RARB: variants seen among roughly 807,000 people sequenced by gnomAD.
RARB encodes HBV-activated protein.
In RARB, 17 loss-of-function variants were observed where a neutral mutation model predicts 51.9. That is an observed-to-expected ratio of 0.33 (90% CI 0.22 to 0.49). The LOEUF is 0.49. RARB is among the 20% of genes least tolerant of loss of function. RARB has a pLI of 0.99. For missense variants in RARB, 369 were observed against 550.8 expected (o/e 0.67, Z 3.30); for synonymous variants, 215 against 195.4 (o/e 1.10, Z -0.84).
intron 3 of RARB, among the ~76,000 whole-genome samples, chr3:25,091,451 T>C (rs888643463): frequency 2.0e-5 from 3 of 152,196 alleles, no homozygotes; most frequent in Non-Finnish European, 2.9e-5. Flanking sequence ...TCCTAGGAAA[T>C]AGCGGCTTCT....
At chr3:25,194,804 G>T (rs1394797590) in intron 5 of RARB, among the ~76,000 whole-genome samples, 11 of 151,858 alleles carry the variant, frequency 7.2e-5, no homozygotes, top group Admixed American at 6.6e-4. Flanking sequence ...GTGGAATTTT[G>T]TTAATTTCTG....
chr3:25,313,422 C>T (rs1289358427), intron 5 of RARB, among the ~76,000 whole-genome samples: 1 of 152,190 alleles, frequency 6.6e-6, no homozygotes, highest in Admixed American at 6.5e-5. Flanking sequence ...AACTGTAATG[C>T]TTATGCCTAA....
chr3:24,957,304 T>C (rs971807178), intron 2 of RARB, among the ~76,000 whole-genome samples: 1 of 152,218 alleles, frequency 6.6e-6, no homozygotes, highest in Non-Finnish European at 1.5e-5. Flanking sequence ...ACCCCCAAAG[T>C]ATTTTGTCCT....
Position 25,527,717 on chromosome 3 carries a change from A to G in RARB, c.448+26394A>G, listed in dbSNP as rs138322811. On this transcript the variant is annotated intron_variant, in intron 3 of 7. Transcript: ENST00000330688. Reference sequence around the variant, plus strand: ...TTTTGAGGTTTTCGAGGGTAGATAGATGCTCTTGGCATTCCTCTAACAAAC... The same window carrying G: ...TTTTGAGGTTTTCGAGGGTAGATAGGTGCTCTTGGCATTCCTCTAACAAAC... 2.4e-3 allele frequency among the ~76,000 whole-genome samples: 359 copies of G among 152,340 alleles called. 3 individuals are homozygous for G. Among genetic ancestry groups the G allele is most frequent in the African/African-American group, 8.2e-3 (343 of 41,590 alleles).
chr3:24,839,641 A>G (rs760175896), intron 1 of RARB, among the ~76,000 whole-genome samples: 1 of 136,734 alleles, frequency 7.3e-6, no homozygotes, highest in Non-Finnish European at 1.5e-5. Flanking sequence ...TCAGGGGCAG[A>G]GGTTGCAGTG....
intron 5 of RARB, among the ~76,000 whole-genome samples, chr3:25,276,403 T>C (rs1309803812): frequency 3.9e-5 from 6 of 152,176 alleles, no homozygotes. Flanking sequence ...CACACGATAC[T>C]CAATAAATAT....
intron 2 of RARB, among the ~76,000 whole-genome samples, chr3:24,986,354 A>G (rs1328377574): frequency 6.6e-6 from 1 of 152,232 alleles, no homozygotes; most frequent in Non-Finnish European, 1.5e-5. Flanking sequence ...TCTCTTCTTC[A>G]AGAGAAAAAT....
chr3:25,217,473 G>A (rs963806619), intron 5 of RARB, among the ~76,000 whole-genome samples: 2 of 151,928 alleles, frequency 1.3e-5, no homozygotes, highest in African/African-American at 2.4e-5. Context: ...GAGGACAAAG[G>A]GGGCATGAAA....
chr3:25,283,720 T>A (rs1240754004), intron 5 of RARB, among the ~76,000 whole-genome samples: 1 of 152,220 alleles, frequency 6.6e-6, no homozygotes, highest in South Asian at 2.1e-4. Context: ...AGCTGGATTA[T>A]TCCATCATCA....
rs540510787 is a variant in RARB at position 25,332,104 on chromosome 3, G to A, written c.179-129089G>A. Among the ~76,000 whole-genome samples, 264 of 152,236 alleles carry A rather than the reference G, an allele frequency of 1.7e-3. 1 individual carries two copies. Among genetic ancestry groups the A allele is most frequent in the African/African-American group, 5.8e-3 (242 of 41,532 alleles). On this transcript the variant is annotated intron_variant, in intron 5 of 11. Transcript: ENST00000383772. ...CAAATTCTACCAGAGGTACAAAGAC[G>A]AGCTGGTACCATTCGTTCTGAAACT...
chr3:25,366,468 A>G (rs1706123086), intron 5 of RARB, among the ~76,000 whole-genome samples: 1 of 152,208 alleles, frequency 6.6e-6, no homozygotes, highest in Non-Finnish European at 1.5e-5. Context: ...AGGTTAATAG[A>G]AGTAACCTCT....
At chr3:25,246,368 G>A (rs753987210) in intron 5 of RARB, among the ~76,000 whole-genome samples, 3 of 152,044 alleles carry the variant, frequency 2.0e-5, no homozygotes, top group Non-Finnish European at 4.4e-5. Context: ...CCTTGCTGGC[G>A]AGGAGTTGTG....
chr3:25,327,407 T>C (rs889989176), intron 5 of RARB, among the ~76,000 whole-genome samples: 1 of 151,844 alleles, frequency 6.6e-6, no homozygotes, highest in African/African-American at 2.4e-5. Context: ...ATCAAAGCAA[T>C]TGGAATCAGA....
At chr3:25,070,126 A>C (rs1698739635) in intron 3 of RARB, among the ~76,000 whole-genome samples, 1 of 151,962 alleles carries the variant, frequency 6.6e-6, no homozygotes, top group South Asian at 2.1e-4. Context: ...TGGCTTTGCA[A>C]CTCTATTACT....
intron 5 of RARB, among the ~76,000 whole-genome samples, chr3:25,253,931 C>T (rs1035747315): frequency 2.6e-5 from 4 of 152,054 alleles, no homozygotes; most frequent in African/African-American, 9.7e-5. Flanking sequence ...GCTAGGATAT[C>T]GGTAGGGAAC....
intron 5 of RARB, among the ~76,000 whole-genome samples, chr3:25,336,713 G>C (rs188395652): frequency 4.1e-4 from 62 of 152,230 alleles, no homozygotes; most frequent in African/African-American, 1.2e-3. Flanking sequence ...GAATTCCACT[G>C]AACTAATCCT....
At chr3:25,521,595 A>C (rs1252534125) in intron 3 of RARB, among the ~76,000 whole-genome samples, 1 of 152,152 alleles carries the variant, frequency 6.6e-6, no homozygotes, top group Non-Finnish European at 1.5e-5. Flanking sequence ...GAATGAATAT[A>C]CAGTATCCAC....
intron 4 of RARB, among the ~76,000 whole-genome samples, chr3:25,573,520 C>G (rs1700795523): frequency 6.6e-6 from 1 of 152,234 alleles, no homozygotes; most frequent in Admixed American, 6.5e-5. Flanking sequence ...GCGCTCTGAG[C>G]CAGTCTCGCA....
At chr3:25,290,956 C>T (rs757584555) in intron 5 of RARB, among the ~76,000 whole-genome samples, 1 of 152,150 alleles carries the variant, frequency 6.6e-6, no homozygotes, top group East Asian at 1.9e-4. Flanking sequence ...CCTCTCTGAC[C>T]CTGAAGTTTT....
Sources: allele counts gnomAD v4.1 joint callset (sites outside exome capture counted in the v4.1 genomes callset), GRCh38; gene constraint gnomAD v4.1.1; transcripts MANE v1.5; gene names NCBI Gene and HGNC (gene_info 2026-07-23, HGNC 2026-07-21).